TBCA: variants seen among roughly 807,000 people sequenced by gnomAD.
TBCA encodes the protein tubulin-specific chaperone A.
In TBCA, 6 loss-of-function variants were observed where a neutral mutation model predicts 15.8. The observed-to-expected ratio is 0.38, with a 90% CI of 0.21 to 0.75. TBCA has a LOEUF of 0.75. TBCA is among the 30% of genes least tolerant of loss of function. TBCA has a pLI of 0.46. For missense variants in TBCA, 90 were observed against 131.2 expected, an observed-to-expected ratio of 0.69 and a Z score of 1.53; for synonymous variants, 32 against 42.3, an observed-to-expected ratio of 0.76 and a Z score of 0.94.
intron 2 of TBCA, among the ~76,000 whole-genome samples, chr5:77,704,491 T>C (rs900252248): frequency 6.6e-6 from 1 of 152,134 alleles, no homozygotes; most frequent in African/African-American, 2.4e-5. Flanking sequence ...CTGAGGATAG[T>C]GTTTAGCTCA....
At chr5:77,732,352 T>C (rs180870785) in intron 1 of TBCA, among the ~76,000 whole-genome samples, 2 of 152,186 alleles carry the variant, frequency 1.3e-5, no homozygotes, top group Admixed American at 1.3e-4. Flanking sequence ...TTTCATTCTT[T>C]CTTTTTAAGA....
intron 1 of TBCA, among the ~76,000 whole-genome samples, chr5:77,769,644 A>G (rs1385131237): frequency 6.6e-6 from 1 of 151,924 alleles, no homozygotes; most frequent in Non-Finnish European, 1.5e-5. Context: ...AAGATGCCAC[A>G]GTTTGGGAAC....
rs560562060 is a variant in TBCA, at chr5:77,761,020, C to T, written c.53+15185G>A. Among the ~76,000 whole-genome samples the T allele has an allele frequency of 2.5e-3, 375 of 149,840 alleles. 1 individual carries two copies. Among genetic ancestry groups the T allele is most frequent in the Non-Finnish European group, 4.5e-3 (305 of 67,374 alleles). ...GCCACCCCGTCTGGGAAGTGAGGAG[C>T]ACCTCTGCCCGGCTGCCGCCCCGTC... On this transcript the variant is annotated intron_variant, in intron 1 of 3. Transcript: ENST00000380377.
In TBCA at chr5:77,766,521, T is replaced by A. The variant is rs1747782576; in HGVS notation, c.53+9684A>T. 9.1e-5 allele frequency among the ~76,000 whole-genome samples: 2 copies of A among 21,880 alleles called. 1 individual carries two copies. Among genetic ancestry groups the A allele is most frequent in the Admixed American group, 9.6e-4 (2 of 2,076 alleles). The allele number at this position is 21,880 out of a possible 152,430, so 14.4% of individuals were successfully genotyped here. On this transcript the variant is annotated intron_variant, in intron 1 of 3. Transcript: ENST00000380377. Reference sequence around the variant, plus strand: ...ATTTATTTATTTATTTATTTTTTTTTTTTTTTGAGACGGAGTCTCGTTCTG... The same window carrying A: ...ATTTATTTATTTATTTATTTTTTTTATTTTTTGAGACGGAGTCTCGTTCTG...
At chr5:77,759,176 G>A (rs1472492454) in intron 1 of TBCA, among the ~76,000 whole-genome samples, 1 of 152,148 alleles carries the variant, frequency 6.6e-6, no homozygotes, top group Non-Finnish European at 1.5e-5. Context: ...ATCTGGAAGG[G>A]CAGGACAAAT....
intron 3 of TBCA, chr5:77,692,213 G>A (rs1745764807): frequency 1.0e-6 from 1 of 984,896 alleles, no homozygotes. Context: ...ATAAAAGATG[G>A]AGATATACAA....
intron 1 of TBCA, among the ~76,000 whole-genome samples, chr5:77,728,832 T>A (rs1195405002): frequency 6.6e-6 from 1 of 152,052 alleles, no homozygotes; most frequent in African/African-American, 2.4e-5. Flanking sequence ...GGTAGTCTAC[T>A]GAAGGGCCTC....
At chr5:77,756,917 A>C (rs533286412) in intron 1 of TBCA, among the ~76,000 whole-genome samples, 1 of 152,266 alleles carries the variant, frequency 6.6e-6, no homozygotes, top group African/African-American at 2.4e-5. Context: ...CGAGTCATTA[A>C]AAGCCTTCTC....
chr5:77,699,158 A>C (rs190616770), intron 2 of TBCA, among the ~76,000 whole-genome samples: 53 of 152,106 alleles, frequency 3.5e-4, no homozygotes, highest in Admixed American at 5.9e-4. Context: ...AGAAAGACTT[A>C]CCATATCCAT....
At chr5:77,757,984 G>A (rs1212149837) in intron 1 of TBCA, among the ~76,000 whole-genome samples, 2 of 152,144 alleles carry the variant, frequency 1.3e-5, no homozygotes, top group East Asian at 3.9e-4. Context: ...ATTCGACTGA[G>A]GGGTATAAGG....
intron 1 of TBCA, among the ~76,000 whole-genome samples, chr5:77,712,015 A>G (rs1189117830): frequency 6.6e-6 from 1 of 152,194 alleles, no homozygotes; most frequent in Non-Finnish European, 1.5e-5. Flanking sequence ...CAATAATGCA[A>G]GCATGTAAAA....
At chr5:77,752,225 T>C (rs1374193665) in intron 1 of TBCA, among the ~76,000 whole-genome samples, 2 of 152,232 alleles carry the variant, frequency 1.3e-5, no homozygotes, top group East Asian at 3.8e-4. Flanking sequence ...TTTGTTTACA[T>C]TATACCATAT....
intron 2 of TBCA, among the ~76,000 whole-genome samples, chr5:77,707,825 A>G (rs1334339457): frequency 1.3e-5 from 2 of 152,216 alleles, no homozygotes; most frequent in Non-Finnish European, 2.9e-5. Flanking sequence ...TTAGCGGTTA[A>G]GAGTACAGAT....
At chr5:77,767,997 C>T (rs1747822690) in intron 1 of TBCA, among the ~76,000 whole-genome samples, 1 of 152,190 alleles carries the variant, frequency 6.6e-6, no homozygotes, top group African/African-American at 2.4e-5. Context: ...TTCACACAGC[C>T]TTGGGCCCTT....
intron 1 of TBCA, among the ~76,000 whole-genome samples, chr5:77,723,862 G>C (rs1746575440): frequency 1.3e-5 from 2 of 151,988 alleles, no homozygotes; most frequent in Non-Finnish European, 2.9e-5. Context: ...TTCTTATGAT[G>C]TGTGTGGGAG....
At chr5:77,756,052 G>C (rs1035333762) in intron 1 of TBCA, among the ~76,000 whole-genome samples, 2 of 152,174 alleles carry the variant, frequency 1.3e-5, no homozygotes, top group African/African-American at 4.8e-5. Context: ...GTTGCCCAAG[G>C]GGGGTCGTTC....
intron 3 of TBCA, chr5:77,691,948 A>T: frequency 1.0e-6 from 1 of 987,040 alleles, no homozygotes; most frequent in Non-Finnish European, 1.2e-6. Context: ...AACAGAGTTA[A>T]ATATAATCTT....
chr5:77,748,707 T>C (rs1488755469), intron 1 of TBCA, among the ~76,000 whole-genome samples: 1 of 152,178 alleles, frequency 6.6e-6, no homozygotes, highest in Non-Finnish European at 1.5e-5. Flanking sequence ...CTCCTAATGT[T>C]TGAAAATCTG....
chr5:77,762,594 C>T (rs1049168704), intron 1 of TBCA, among the ~76,000 whole-genome samples: 4 of 152,066 alleles, frequency 2.6e-5, no homozygotes, highest in African/African-American at 7.2e-5. Context: ...ATTCAAGGTA[C>T]CATAAGTCTA....
Sources: allele counts gnomAD v4.1 joint callset (sites outside exome capture counted in the v4.1 genomes callset), GRCh38; gene constraint gnomAD v4.1.1; transcripts MANE v1.5; gene names NCBI Gene and HGNC (gene_info 2026-07-23, HGNC 2026-07-21).